Variants in GPAT3 observed in about 807,000 individuals in gnomAD.
GPAT3 encodes the protein 1-AGP acyltransferase 9.
A neutral mutation model predicts 58.8 loss-of-function variants in GPAT3; 53 were observed. The ratio of observed to expected loss-of-function variants is 0.90; its 90% CI spans 0.72 to 1.13. GPAT3 has a LOEUF of 1.13. GPAT3 is among the 50% of genes most tolerant of loss of function. The pLI, the probability that GPAT3 is intolerant of heterozygous loss-of-function variation, is 0.00. For missense variants in GPAT3, 511 were observed against 527.6 expected, an observed-to-expected ratio of 0.97 and a Z score of 0.31; for synonymous variants, 197 against 187.4, an observed-to-expected ratio of 1.05 and a Z score of -0.42.
chr4:83,559,980 G>C (rs554771465), intron 2 of GPAT3, among the ~76,000 whole-genome samples: 1 of 152,280 alleles, frequency 6.6e-6, no homozygotes, highest in South Asian at 2.1e-4. Context: ...GTGATGTCTG[G>C]ATGCCTGGGG....
chr4:83,597,907 T>C, intron 9 of GPAT3, 144 bp from the exon 10 acceptor site: 1 of 953,200 alleles, frequency 1.0e-6, no homozygotes, highest in Non-Finnish European at 1.5e-6. Flanking sequence ...AGTTTACTTT[T>C]TTTTTGATAA....
Position 83,598,707 on chromosome 4 carries a change from C to A in GPAT3, c.1189C>A (p.Leu397Met). ...VKSAIAIQGG[L>M]TELPWDGGLK... ...GTCTGCTATTGCTATACAAGGAGGC[C>A]TGACTGAACTTCCCTGGTAAGAGAA... is the stretch of plus-strand genomic sequence containing the variant. The change falls in exon 11 of 12, where the codon CTG becomes ATG. Residue 397 changes from leucine (L) to methionine (M), a missense_variant. Leu to Met is a conservative substitution (Grantham distance 15). Transcript: ENST00000264409. 1 of 1,540,108 alleles carries A rather than the reference C, an allele frequency of 6.5e-7. No individual in the cohort carries two copies. The highest frequency in any genetic ancestry group is 1.1e-5 in the South Asian group (1 of 87,384).
At chr4:83,578,535 C>G (rs1560620082) in intron 2 of GPAT3, among the ~76,000 whole-genome samples, 1 of 152,082 alleles carries the variant, frequency 6.6e-6, no homozygotes, top group Non-Finnish European at 1.5e-5. Context: ...TATCTCTGGC[C>G]CCTCTGAAAA....
In GPAT3 at chr4:83,596,883, A is replaced by G. The variant is rs375335065; in HGVS notation, c.880A>G (p.Lys294Glu). ...ACTAAAAGAACATATTGCTGATAAGAAGAAACTACCCATACTAATTTTTCC... is the reference window on the plus strand; with the variant it reads ...ACTAAAAGAACATATTGCTGATAAGGAGAAACTACCCATACTAATTTTTCC... ...KRLKEHIADK[K>E]KLPILIFPEG... Residue 294 changes from lysine to glutamate, a missense_variant, in exon 8 of 12, where the codon AAG (lysine) becomes GAG (glutamate). Transcript: ENST00000264409. 9.4e-6 allele frequency: 15 copies of G among 1,602,152 alleles called. No individual in the cohort carries two copies. Among genetic ancestry groups the G allele is most frequent in the Non-Finnish European group, 1.1e-5 (13 of 1,177,248 alleles).
intron 6 of GPAT3, among the ~76,000 whole-genome samples, chr4:83,592,971 A>G (rs751098483): frequency 2.6e-4 from 40 of 151,182 alleles, no homozygotes; most frequent in Non-Finnish European, 5.3e-4. Flanking sequence ...GGTTCAAGTG[A>G]TTCTCCTGCC....
chr4:83,573,774 G>A (rs1173302781), intron 2 of GPAT3, among the ~76,000 whole-genome samples: 1 of 152,044 alleles, frequency 6.6e-6, no homozygotes, highest in Non-Finnish European at 1.5e-5. Context: ...ACTCCTCCCT[G>A]CCCAATTTTA....
chr4:83,574,270 G>T (rs1218868642), intron 2 of GPAT3, among the ~76,000 whole-genome samples: 4 of 152,178 alleles, frequency 2.6e-5, no homozygotes, highest in Non-Finnish European at 5.9e-5. Flanking sequence ...TGCTTGCTTA[G>T]GAAGTTTGCT....
chr4:83,581,868 G>A (rs201897122), intron 3 of GPAT3, 36 bp downstream of exon 3: 2 of 1,571,998 alleles, frequency 1.3e-6, no homozygotes, highest in African/African-American at 2.7e-5. Context: ...TGATACGCTT[G>A]ACTCAGCTTT....
chr4:83,559,012 G>T (rs1311379232), intron 2 of GPAT3, among the ~76,000 whole-genome samples: 3 of 152,104 alleles, frequency 2.0e-5, no homozygotes, highest in Admixed American at 6.5e-5. Flanking sequence ...GGAAATAAAA[G>T]AATTATATTG....
At chr4:83,600,663 C>T (rs1176817130) in intron 11 of GPAT3, among the ~76,000 whole-genome samples, 6 of 151,888 alleles carry the variant, frequency 4.0e-5, no homozygotes, top group East Asian at 2.0e-4. Flanking sequence ...CCACCATCCC[C>T]AGCTAATTTT....
intron 11 of GPAT3, among the ~76,000 whole-genome samples, chr4:83,600,303 G>A (rs1236499949): frequency 7.0e-6 from 1 of 143,670 alleles, no homozygotes; most frequent in Non-Finnish European, 1.5e-5. Flanking sequence ...GTTCTCTAGT[G>A]TTTCTTTTTA....
intron 4 of GPAT3, 72 bp from the exon 5 acceptor site, chr4:83,588,138 A>G: frequency 1.5e-6 from 2 of 1,373,622 alleles, no homozygotes; most frequent in Non-Finnish European, 2.1e-6. Flanking sequence ...GAAAAAGCAC[A>G]TTAAAACCTT....
intron 2 of GPAT3, among the ~76,000 whole-genome samples, chr4:83,549,882 C>G (rs1724689078): frequency 6.6e-6 from 1 of 151,944 alleles, no homozygotes; most frequent in African/African-American, 2.4e-5. Context: ...ACCACCAAAC[C>G]TGGCTAATTT....
intron 6 of GPAT3, among the ~76,000 whole-genome samples, chr4:83,592,402 T>G (rs957255987): frequency 1.3e-5 from 2 of 152,204 alleles, no homozygotes; most frequent in Non-Finnish European, 2.9e-5. Context: ...ATTGGCCTCT[T>G]TTGACTAAAC....
At chr4:83,602,609 T>G (rs571308030) in intron 11 of GPAT3, among the ~76,000 whole-genome samples, 137 of 102,068 alleles carry the variant, frequency 1.3e-3, no homozygotes, top group African/African-American at 4.0e-3. Context: ...AATTTTGAAG[T>G]CTCTAAGGGG....
chr4:83,582,887 A>G (rs1027693589), intron 3 of GPAT3, among the ~76,000 whole-genome samples: 1 of 152,174 alleles, frequency 6.6e-6, no homozygotes, highest in Non-Finnish European at 1.5e-5. Flanking sequence ...GGTTTCACAT[A>G]TAATTTTGCT....
rs1341613452 is a variant in GPAT3 at position 83,536,617 on chromosome 4, C to G, written c.-6C>G. The stretch of plus-strand genomic sequence containing the variant: ...GCGGACCTCTCCTGAGTGGGTGCGC[C>G]GAGTCATGGAGGGCGCAGAGCTGGC... On this transcript the variant is annotated 5_prime_UTR_variant, in exon 1 of 12. Transcript: ENST00000264409. 1.9e-6 allele frequency: 3 copies of G among 1,611,314 alleles called. No homozygotes were observed. Among genetic ancestry groups the G allele is most frequent in the South Asian group, 2.2e-5 (2 of 90,824 alleles).
At chr4:83,542,693 G>A (rs557996785) in intron 1 of GPAT3, among the ~76,000 whole-genome samples, 39 of 152,166 alleles carry the variant, frequency 2.6e-4, no homozygotes, top group African/African-American at 8.4e-4. Context: ...TTTTGACTTG[G>A]CATATTAATA....
chr4:83,597,883 G>A (rs552926909), intron 9 of GPAT3, among the ~76,000 whole-genome samples, 168 bp from the exon 10 acceptor site: 6 of 152,210 alleles, frequency 3.9e-5, no homozygotes, highest in African/African-American at 1.2e-4. Flanking sequence ...CTAGTCAGAT[G>A]TATTAGCTGG....
Sources: allele counts gnomAD v4.1 joint callset (sites outside exome capture counted in the v4.1 genomes callset), GRCh38; gene constraint gnomAD v4.1.1; transcripts MANE v1.5; gene names NCBI Gene and HGNC (gene_info 2026-07-23, HGNC 2026-07-21).